Variants in RFC5 observed in about 807,000 individuals in gnomAD.
RFC5 encodes the protein A1 36 kDa subunit.
Under a neutral mutation model 44.3 loss-of-function variants are expected in RFC5, and 26 were observed. The observed-to-expected ratio is 0.59, with a 90% confidence interval of 0.43 to 0.81. RFC5 has a LOEUF of 0.81. RFC5 is among the 40% of genes least tolerant of loss of function. RFC5 has a pLI of 0.00. For missense variants in RFC5, 328 were observed against 418.6 expected, an observed-to-expected ratio of 0.78 and a Z score of 1.89; for synonymous variants, 155 against 155.2, an observed-to-expected ratio of 1.00 and a Z score of 0.01.
the RFC5 span, among the ~76,000 whole-genome samples, chr12:118,041,361 G>A: frequency 6.6e-6 from 1 of 152,200 alleles, no homozygotes; most frequent in African/African-American, 2.4e-5. Context: ...GGCAGCAGGT[G>A]CTCACAGACA....
downstream of RFC5, chr12:118,033,907 A>C (rs2031438046): frequency 2.6e-6 from 1 of 382,684 alleles, no homozygotes; most frequent in Admixed American, 3.8e-5. Flanking sequence ...ACTTTGAATC[A>C]AAACAAGCAG....
At chr12:118,041,335 G>A in the RFC5 span, among the ~76,000 whole-genome samples, 4 of 152,146 alleles carry the variant, frequency 2.6e-5, no homozygotes, top group Non-Finnish European at 4.4e-5. Flanking sequence ...GAGAGAAGGT[G>A]GCTGTTTACA....
At chr12:118,022,179 G>A in intron 4 of RFC5, 107 bp from the exon 5 acceptor site, 3 of 861,584 alleles carry the variant, frequency 3.5e-6, no homozygotes, top group Non-Finnish European at 5.8e-6. Flanking sequence ...AGAAGAAATT[G>A]TCTTTCTGAG....
intron 5 of RFC5, among the ~76,000 whole-genome samples, chr12:118,023,207 T>G (rs535104485): frequency 2.0e-5 from 3 of 151,756 alleles, no homozygotes; most frequent in South Asian, 2.1e-4. Flanking sequence ...AGTGAATGAT[T>G]TGGCAGCGGG....
rs556692781 is a variant in RFC5, at chr12:118,030,700, G to A, written c.927-482G>A. 2.7e-4 allele frequency among the ~76,000 whole-genome samples: 41 copies of A among 152,294 alleles called. 1 individual carries two copies. The South Asian group carries it at 8.1e-3, about 30-fold the overall frequency. On this transcript the variant is annotated intron_variant, in intron 10 of 10. Transcript: ENST00000454402. ...GTCGCCCAGGCTGGAGTGCAGTGAT[G>A]CAGTCTCGGCTCACTGCAACCTCTG...
the RFC5 span, among the ~76,000 whole-genome samples, chr12:118,040,899 A>G: frequency 6.6e-6 from 1 of 152,142 alleles, no homozygotes; most frequent in East Asian, 1.9e-4. Flanking sequence ...AATACAAAAC[A>G]TTAGCCAGGT....
intron 10 of RFC5, among the ~76,000 whole-genome samples, chr12:118,030,831 G>T (rs2031268034): frequency 6.6e-6 from 1 of 152,082 alleles, no homozygotes; most frequent in African/African-American, 2.4e-5. Flanking sequence ...TGTTTGTTTT[G>T]TAGAGACGGG....
chr12:118,038,936 T>C, the RFC5 span, among the ~76,000 whole-genome samples: 1 of 152,128 alleles, frequency 6.6e-6, no homozygotes, highest in African/African-American at 2.4e-5. Context: ...ACTTTTTTTA[T>C]ATAATCTTGA....
chr12:118,017,114 C>T (rs775610355), intron 1 of RFC5, among the ~76,000 whole-genome samples: 2 of 152,186 alleles, frequency 1.3e-5, no homozygotes, highest in African/African-American at 4.8e-5. Context: ...CCTTTCACCC[C>T]CAGCTCCATT....
chr12:118,018,462 C>T (rs1332621047), intron 1 of RFC5, among the ~76,000 whole-genome samples: 1 of 152,164 alleles, frequency 6.6e-6, no homozygotes, highest in Non-Finnish European at 1.5e-5. Context: ...GGACCCTCTG[C>T]CCACCTGTGA....
At chr12:118,038,787 T>G in the RFC5 span, among the ~76,000 whole-genome samples, 12 of 152,118 alleles carry the variant, frequency 7.9e-5, no homozygotes, top group Non-Finnish European at 1.5e-4. Context: ...TTGAAGCGAT[T>G]CTCCTGCCTC....
Position 118,025,754 on chromosome 12 carries a change from A to G in RFC5, c.589A>G (p.Ile197Val), listed in dbSNP as rs776516742. Reference protein sequence around the residue: ...EHVVEEEKVDISEDGMKALVT... With the variant: ...EHVVEEEKVDVSEDGMKALVT... ...TTTGCTTATTTCTTTCAGAGTTGAT[A>G]TAAGTGAAGATGGAATGAAAGCACT... The change falls in exon 7 of 11, where the codon ATA becomes GTA. Residue 197 changes from isoleucine to valine, a missense_variant. By Grantham distance (29) the Ile-to-Val change is conservative (BLOSUM62 3). Transcript: ENST00000454402. The G allele has an allele frequency of 5.0e-6, 8 of 1,601,878 alleles. No homozygotes were observed. Among genetic ancestry groups the G allele is most frequent in the South Asian group, 1.1e-5 (1 of 90,774 alleles).
downstream of RFC5, chr12:118,033,586 G>A (rs1367143868): frequency 1.3e-5 from 2 of 150,236 alleles, no homozygotes; most frequent in Non-Finnish European, 2.9e-5. Context: ...TGTCTGGATC[G>A]GTCAGGAGCA....
chr12:118,036,610 AGCCAGGGCT>A, downstream of RFC5: 2 of 1,282,456 alleles, frequency 1.6e-6, no homozygotes, highest in Non-Finnish European at 2.2e-6. Flanking sequence ...CAGGCCCTGC[AGCCAGGGCT>A]GATTCTCTAT....
intron 5 of RFC5, among the ~76,000 whole-genome samples, chr12:118,024,607 G>T (rs1224848091): frequency 6.6e-6 from 1 of 151,770 alleles, no homozygotes; most frequent in Non-Finnish European, 1.5e-5. Context: ...TGTATTTTCA[G>T]TAGAGGTTTT....
At chr12:118,035,350 A>G (rs1231859126), downstream of RFC5, 1 of 1,604,926 alleles carries the variant, frequency 6.2e-7, no homozygotes, top group Non-Finnish European at 8.5e-7. Context: ...ACAGGATGGC[A>G]GGCCTGGAGT....
chr12:118,019,149 G>A lies in RFC5; in HGVS notation c.130+13G>A, dbSNP rs749250265. 1.9e-6 allele frequency: 3 copies of A among 1,598,310 alleles called. No individual in the cohort carries two copies. The South Asian group carries it at 3.3e-5, about 18-fold the overall frequency. On this transcript the variant is annotated intron_variant, in intron 2 of 10. Transcript: ENST00000454402. This position sits in a 1 kb window ranked among gnomAD's most constrained non-coding sequence, Gnocchi z 4.2. ...ATTCTGAGTACCAGTAAGTATTCATGTGTCAGTTGCTCTTGTCCTGCTTGA... is the reference window on the plus strand; with the variant it reads ...ATTCTGAGTACCAGTAAGTATTCATATGTCAGTTGCTCTTGTCCTGCTTGA...
rs192979993 is a variant in RFC5, at chr12:118,017,959, C to T, written c.65+1067C>T. On this transcript the variant is annotated intron_variant, in intron 1 of 10. Transcript: ENST00000454402. ...TCACCCCAAATGGAAATCCTTTACC[C>T]ATTGACAGTTACTCCCCATTCTCCC... The T allele has an allele frequency of 1.7e-3, 1,174 of 690,794 alleles. 2 individuals are homozygous for T. The highest frequency in any genetic ancestry group is 2.5e-3 in the Non-Finnish European group (972 of 381,616). 42.8% of individuals were successfully genotyped at this position (690,794 alleles called of 1,614,324 possible). A position where few individuals can be genotyped will look rare whatever the true frequency, so the allele number is the denominator to read the frequency against.
chr12:118,040,606 C>T, the RFC5 span, among the ~76,000 whole-genome samples: 3 of 149,732 alleles, frequency 2.0e-5, no homozygotes, highest in Non-Finnish European at 3.0e-5. Context: ...ACTAAAAATA[C>T]GAAAATTAGC....
Sources: allele counts gnomAD v4.1 joint callset (sites outside exome capture counted in the v4.1 genomes callset), GRCh38; gene constraint gnomAD v4.1.1; non-coding constraint Gnocchi (gnomAD v3.1); transcripts MANE v1.5; gene names NCBI Gene and HGNC (gene_info 2026-07-23, HGNC 2026-07-21).